The following PLD5 variants were observed in gnomAD, a reference collection of about 807,000 sequenced individuals.
The protein encoded by PLD5 is phospholipase D family member 5.
Under a neutral mutation model 61.1 loss-of-function variants are expected in PLD5, and 36 were observed. That is an observed-to-expected ratio of 0.59 (90% CI 0.45 to 0.78). The LOEUF (loss-of-function observed/expected upper bound fraction) is 0.78, where lower values mean the gene tolerates loss of function less well. PLD5 is among the 30% of genes least tolerant of loss of function. PLD5 has a pLI of 0.00. For synonymous variants in PLD5, 243 were observed against 242.8 expected, an observed-to-expected ratio of 1.00 and a Z score of -0.01; for missense variants, 515 against 644.4, an observed-to-expected ratio of 0.80 and a Z score of 2.17.
intron 1 of PLD5, among the ~76,000 whole-genome samples, chr1:242,371,302 T>C (rs1661619604): frequency 6.6e-6 from 1 of 152,076 alleles, no homozygotes; most frequent in African/African-American, 2.4e-5. Context: ...AACTTTGCCG[T>C]CAGTACAGAC....
chr1:242,452,257 CT>C (rs1666808509), intron 1 of PLD5, among the ~76,000 whole-genome samples: 1 of 151,882 alleles, frequency 6.6e-6, no homozygotes, highest in African/African-American at 2.4e-5. Context: ...CAACAAGGGA[CT>C]AGGAGGAAGG....
At chr1:242,192,207 T>A (rs1265001372) in intron 5 of PLD5, 1 of 152,386 alleles carries the variant, frequency 6.6e-6, no homozygotes, top group African/African-American at 2.4e-5. Flanking sequence ...ACTTGCCTCA[T>A]TTGGGACACC....
At chr1:242,216,651 C>CT (rs1670216264) in intron 5 of PLD5, among the ~76,000 whole-genome samples, 1 of 152,222 alleles carries the variant, frequency 6.6e-6, no homozygotes, top group African/African-American at 2.4e-5. Flanking sequence ...GGCCACGACT[C>CT]TTTACAGCAC....
intron 1 of PLD5, among the ~76,000 whole-genome samples, chr1:242,511,998 G>A (rs996199008): frequency 3.9e-5 from 6 of 152,048 alleles, no homozygotes; most frequent in African/African-American, 1.2e-4. Context: ...CACATGTCAC[G>A]GACATATCGT....
rs34186124 is a variant in PLD5, at chr1:242,454,331, C to CAA, written c.189+69755_189+69756dup. ...TGGGCAACACAGCAAGACTCCGTGT[C>CAA]AAAAAAAAAAAAAAGGCAAATTTAA... On this transcript the variant is annotated intron_variant, in intron 1 of 9. Coordinates refer to ENST00000536534, the MANE Select transcript of PLD5 (RefSeq NM_001372062.1). Among the ~76,000 whole-genome samples, 146 of 128,140 alleles carry CAA rather than the reference C, an allele frequency of 1.1e-3. 5 individuals carry two copies. Among genetic ancestry groups the CAA allele is most frequent in the Non-Finnish European group, 1.5e-3 (89 of 59,740 alleles). The allele number at this position is 128,140 out of a possible 152,430, so 84.1% of individuals were successfully genotyped here. A position where few individuals can be genotyped will look rare whatever the true frequency, so the allele number is the denominator to read the frequency against.
At position 242,457,360 on chromosome 1, in the gene PLD5, C is replaced by G. The variant is rs904007806; in HGVS notation, c.189+66728G>C. ...CACATACAACTAAACTGGCATTGCT[C>G]ACGTTAAATTTTCTTAATATTCCTA... On this transcript the variant is annotated intron_variant, in intron 1 of 9. Transcript: ENST00000536534. 5.3e-5 allele frequency among the ~76,000 whole-genome samples: 8 copies of G among 152,154 alleles called. 1 individual carries two copies. The highest frequency in any genetic ancestry group is 5.2e-4 in the Admixed American group (8 of 15,268).
intron 2 of PLD5, among the ~76,000 whole-genome samples, chr1:242,289,618 G>T (rs1675241690): frequency 6.6e-6 from 1 of 152,066 alleles, no homozygotes; most frequent in African/African-American, 2.4e-5. Context: ...GCCTCCCAAA[G>T]TGCTAGGATT....
intron 1 of PLD5, among the ~76,000 whole-genome samples, chr1:242,502,373 G>A (rs1668582078): frequency 6.6e-6 from 1 of 152,052 alleles, no homozygotes; most frequent in Admixed American, 6.5e-5. Context: ...CACGCATACT[G>A]CCCTTTAAAG....
intron 5 of PLD5, among the ~76,000 whole-genome samples, chr1:242,170,894 A>C (rs1574444353): frequency 6.6e-6 from 1 of 151,726 alleles, no homozygotes; most frequent in African/African-American, 2.4e-5. Flanking sequence ...GGACTATGTG[A>C]AAAGACCAAA....
intron 1 of PLD5, among the ~76,000 whole-genome samples, chr1:242,499,467 T>C (rs573123288): frequency 1.3e-5 from 2 of 152,344 alleles, no homozygotes; most frequent in African/African-American, 4.8e-5. Flanking sequence ...TACCTCTATC[T>C]ATCATATATC....
At chr1:242,274,991 A>G (rs6692158) in intron 3 of PLD5, among the ~76,000 whole-genome samples, 44,015 of 152,012 alleles carry the variant, frequency 0.29, 7,704 homozygotes, top group Middle Eastern at 0.45. Flanking sequence ...TCTATCCCAG[A>G]GAAACATAAG....
chr1:242,160,532 T>C (rs1665737538), intron 5 of PLD5, among the ~76,000 whole-genome samples: 1 of 152,142 alleles, frequency 6.6e-6, no homozygotes, highest in Non-Finnish European at 1.5e-5. Context: ...AATATGTCCA[T>C]GTAAGTGAAT....
chr1:242,348,429 C>G (rs1227749038), intron 1 of PLD5, among the ~76,000 whole-genome samples, 187 bp from the exon 2 acceptor site: 1 of 152,110 alleles, frequency 6.6e-6, no homozygotes, highest in East Asian at 1.9e-4. Flanking sequence ...ACACAGCCTT[C>G]AAACCCCACT....
At chr1:242,248,233 C>T (rs1345635162) in intron 4 of PLD5, among the ~76,000 whole-genome samples, 1 of 152,218 alleles carries the variant, frequency 6.6e-6, no homozygotes, top group Non-Finnish European at 1.5e-5. Flanking sequence ...GAAAACGAGA[C>T]AGCAATCATG....
At chr1:242,228,735 G>C (rs1333829127) in intron 4 of PLD5, among the ~76,000 whole-genome samples, 1 of 151,780 alleles carries the variant, frequency 6.6e-6, no homozygotes, top group South Asian at 2.1e-4. Flanking sequence ...GAGAGGAAGA[G>C]GAAGAGGAGC....
At chr1:242,448,130 T>C (rs1185403281) in intron 1 of PLD5, among the ~76,000 whole-genome samples, 3 of 152,220 alleles carry the variant, frequency 2.0e-5, no homozygotes, top group African/African-American at 4.8e-5. Context: ...ATGGATGAGA[T>C]GATAAAAGGT....
At chr1:242,523,104 T>C (rs1469781263) in intron 1 of PLD5, among the ~76,000 whole-genome samples, 3 of 152,128 alleles carry the variant, frequency 2.0e-5, no homozygotes, top group Non-Finnish European at 4.4e-5. Context: ...CCAGGAGTTC[T>C]TGGTCTTATC....
chr1:242,327,862 C>T (rs1340089750), intron 2 of PLD5, among the ~76,000 whole-genome samples: 1 of 151,994 alleles, frequency 6.6e-6, no homozygotes, highest in African/African-American at 2.4e-5. Context: ...GAGGTTTAAG[C>T]AAAGGATTGT....
At chr1:242,193,778 C>T (rs978889323) in intron 5 of PLD5, among the ~76,000 whole-genome samples, 8 of 152,176 alleles carry the variant, frequency 5.3e-5, no homozygotes, top group Admixed American at 4.6e-4. Context: ...AAATCTGTGA[C>T]CCCAGGAGTC....
Sources: allele counts gnomAD v4.1 joint callset (sites outside exome capture counted in the v4.1 genomes callset), GRCh38; gene constraint gnomAD v4.1.1; transcripts MANE v1.5; gene names NCBI Gene and HGNC (gene_info 2026-07-23, HGNC 2026-07-21).